Variants in GSG1L observed in about 807,000 individuals in gnomAD.
GSG1L encodes the protein germ cell-specific gene 1-like protein.
Under a neutral mutation model 42.1 loss-of-function variants are expected in GSG1L, and 24 were observed. The observed-to-expected ratio is 0.57, with a 90% confidence interval of 0.41 to 0.80. The LOEUF is 0.80. Among genes scored for constraint, GSG1L ranks in the 30% least tolerant of loss-of-function variants. The pLI is 0.00. For synonymous variants in GSG1L, 215 were observed against 203.5 expected, an observed-to-expected ratio of 1.06 and a Z score of -0.48; for missense variants, 445 against 472.2, an observed-to-expected ratio of 0.94 and a Z score of 0.53.
intron 5 of GSG1L, among the ~76,000 whole-genome samples, chr16:27,810,361 C>T (rs2083017596): frequency 6.6e-6 from 1 of 151,954 alleles, no homozygotes; most frequent in Non-Finnish European, 1.5e-5. Flanking sequence ...TCCCAGCTAC[C>T]TAGGAAGCTG....
At chr16:27,840,370 A>G (rs895516834) in intron 4 of GSG1L, among the ~76,000 whole-genome samples, 1 of 151,916 alleles carries the variant, frequency 6.6e-6, no homozygotes, top group Non-Finnish European at 1.5e-5. Flanking sequence ...TGCTGGGATT[A>G]CAGGTGAGCC....
intron 2 of GSG1L, among the ~76,000 whole-genome samples, chr16:27,901,596 G>A (rs2084258664): frequency 6.6e-6 from 1 of 152,210 alleles, no homozygotes; most frequent in Non-Finnish European, 1.5e-5. Context: ...TGGCCCCTGT[G>A]GAATCTGATG....
intron 2 of GSG1L, chr16:27,888,206 C>G: frequency 1.2e-6 from 1 of 838,900 alleles, no homozygotes; most frequent in African/African-American, 1.8e-5. Flanking sequence ...ACCCTGCCCA[C>G]GTGGGCCCCG....
chr16:27,839,102 G>C (rs2083350720), intron 4 of GSG1L, among the ~76,000 whole-genome samples: 1 of 152,202 alleles, frequency 6.6e-6, no homozygotes, highest in African/African-American at 2.4e-5. Flanking sequence ...GGGGCCGCCT[G>C]GGGTCCCCAG....
chr16:28,060,541 G>A (rs72785851), intron 1 of GSG1L, among the ~76,000 whole-genome samples: 29,434 of 152,032 alleles, frequency 0.19, 3,567 homozygotes, highest in East Asian at 0.38. Context: ...CTAACCATCC[G>A]CATTTCTAAC....
At chr16:27,909,890 G>A (rs368357483) in intron 2 of GSG1L, among the ~76,000 whole-genome samples, 5 of 150,986 alleles carry the variant, frequency 3.3e-5, no homozygotes, top group Admixed American at 3.3e-4. Flanking sequence ...GAACATCAAG[G>A]TTCGGGGAAG....
Position 28,059,365 on chromosome 16 carries a change from G to A in GSG1L, c.349+3711C>T, listed in dbSNP as rs2086315469. On this transcript the variant is annotated intron_variant, in intron 1 of 6. Transcript: ENST00000447459. The surrounding 1 kb of genome is among the most constrained non-coding windows in gnomAD (Gnocchi z 4.4). Reference sequence around the variant, plus strand: ...GGCTCCCCGCCTGGGTCCTGCATGGGTCTTCTGGCTTCACACCCACCCCGT... The same window carrying A: ...GGCTCCCCGCCTGGGTCCTGCATGGATCTTCTGGCTTCACACCCACCCCGT... Among the ~76,000 whole-genome samples the A allele has an allele frequency of 6.6e-6, 1 of 152,018 alleles. No individual in the cohort carries two copies. The highest frequency in any genetic ancestry group is 6.6e-5 in the Admixed American group (1 of 15,256).
At chr16:27,832,406 G>A (rs1006717743) in intron 4 of GSG1L, among the ~76,000 whole-genome samples, 23 of 152,140 alleles carry the variant, frequency 1.5e-4, no homozygotes, top group African/African-American at 5.6e-4. Context: ...AATCCTGAAA[G>A]CCACCTGTTC....
chr16:28,011,679 C>T (rs536897731), intron 1 of GSG1L, among the ~76,000 whole-genome samples: 4 of 152,304 alleles, frequency 2.6e-5, no homozygotes, highest in East Asian at 3.9e-4. Flanking sequence ...TGTGCCTTCA[C>T]GGCCATCGAG....
At chr16:27,856,835 A>T (rs1247986737) in intron 3 of GSG1L, among the ~76,000 whole-genome samples, 4 of 152,204 alleles carry the variant, frequency 2.6e-5, no homozygotes, top group Admixed American at 2.6e-4. Context: ...CAGATGAAGC[A>T]GGAGAGATGC....
intron 1 of GSG1L, among the ~76,000 whole-genome samples, chr16:28,002,855 T>A (rs2085594230): frequency 6.6e-6 from 1 of 151,658 alleles, no homozygotes; most frequent in African/African-American, 2.4e-5. Context: ...GAGAATGGCA[T>A]GAACCTGGGA....
intron 5 of GSG1L, among the ~76,000 whole-genome samples, chr16:27,820,216 C>T (rs762435585): frequency 9.9e-5 from 15 of 152,102 alleles, no homozygotes; most frequent in Admixed American, 5.2e-4. Flanking sequence ...CATATGGCAT[C>T]GGGTGGGGCG....
At chr16:27,817,483 C>T (rs1361380540) in intron 5 of GSG1L, among the ~76,000 whole-genome samples, 3 of 151,862 alleles carry the variant, frequency 2.0e-5, no homozygotes, top group African/African-American at 7.3e-5. Context: ...ACTCCCCCCA[C>T]CCCCTTAATT....
At chr16:27,903,643 C>T (rs1358505594) in intron 2 of GSG1L, among the ~76,000 whole-genome samples, 1 of 152,182 alleles carries the variant, frequency 6.6e-6, no homozygotes, top group East Asian at 1.9e-4. Flanking sequence ...GATGCCCCCC[C>T]TTGGGGCCCT....
chr16:28,058,620 C>CAAAAAAAA (rs66952573), intron 1 of GSG1L, among the ~76,000 whole-genome samples: 1 of 82,556 alleles, frequency 1.2e-5, no homozygotes, highest in Non-Finnish European at 2.6e-5. Context: ...AGAACAAGAC[C>CAAAAAAAA]AAAAAAAAAA....
intron 5 of GSG1L, among the ~76,000 whole-genome samples, chr16:27,813,653 T>C (rs1419757094): frequency 1.3e-5 from 2 of 152,206 alleles, no homozygotes; most frequent in African/African-American, 4.8e-5. Context: ...TCCACCAGAT[T>C]CAGCAAGCAA....
At chr16:27,970,570 T>A (rs1316833321) in intron 1 of GSG1L, among the ~76,000 whole-genome samples, 1 of 150,030 alleles carries the variant, frequency 6.7e-6, no homozygotes, top group Non-Finnish European at 1.5e-5. Context: ...AGACTCCATC[T>A]AAAAAAAGAA....
chr16:27,899,057 GAC>G (rs2084226166), intron 2 of GSG1L, among the ~76,000 whole-genome samples: 1 of 152,220 alleles, frequency 6.6e-6, no homozygotes, highest in South Asian at 2.1e-4. Flanking sequence ...AGTCAGGGAG[GAC>G]ACAGATGGGC....
rs933331896 is a variant in GSG1L at position 27,937,692 on chromosome 16, G to A, written c.397+25464C>T. Among the ~76,000 whole-genome samples the A allele has an allele frequency of 5.9e-5, 9 of 152,306 alleles. No individual in the cohort carries two copies. The South Asian group carries it at 1.4e-3, about 25-fold the overall frequency. ...TCCTTGGCACCATCGTTGAGTTGGCGGCTGGTGGGGGTTTTAGAAAAGAAG... is the reference window on the plus strand; with the variant it reads ...TCCTTGGCACCATCGTTGAGTTGGCAGCTGGTGGGGGTTTTAGAAAAGAAG... On this transcript the variant is annotated intron_variant, in intron 2 of 6. Transcript: ENST00000447459.
Sources: gnomAD v4.1 joint callset for allele counts (sites outside exome capture counted in the v4.1 genomes callset) on GRCh38, gnomAD v4.1.1 for gene constraint, Gnocchi (gnomAD v3.1) non-coding constraint, MANE v1.5 for transcripts, NCBI Gene and HGNC (gene_info 2026-07-23, HGNC 2026-07-21) for gene names.